Variants in DPYSL3 observed in about 807,000 individuals in gnomAD.
DPYSL3 encodes the protein dihydropyrimidinase-related protein 3.
In DPYSL3, 16 loss-of-function variants were observed where a neutral mutation model predicts 66.1. That is an observed-to-expected ratio of 0.24 (90% confidence interval 0.16 to 0.37). DPYSL3 has a LOEUF of 0.37. DPYSL3 is among the 10% of genes least tolerant of loss of function. The pLI is 1.00. For synonymous variants in DPYSL3, 338 were observed against 345.1 expected (o/e 0.98, Z 0.23); for missense variants, 738 against 916.2 (o/e 0.81, Z 2.51).
intron 1 of DPYSL3, among the ~76,000 whole-genome samples, chr5:147,475,009 C>G (rs1753136920): frequency 6.6e-6 from 1 of 151,932 alleles, no homozygotes; most frequent in Non-Finnish European, 1.5e-5. Context: ...TGGAATGAAA[C>G]ATGGTACAAC....
chr5:147,471,942 C>T (rs1349718631), intron 1 of DPYSL3, among the ~76,000 whole-genome samples: 1 of 152,170 alleles, frequency 6.6e-6, no homozygotes, highest in Non-Finnish European at 1.5e-5. Context: ...TCTCCCACTC[C>T]TCTCAGGCTT....
At chr5:147,406,453 C>T (rs934244871) in intron 7 of DPYSL3, among the ~76,000 whole-genome samples, 2 of 152,164 alleles carry the variant, frequency 1.3e-5, no homozygotes, top group African/African-American at 4.8e-5. Context: ...ACCTCGGGTA[C>T]ATTGCACAAC....
chr5:147,404,999 C>T (rs1758292289), intron 8 of DPYSL3, among the ~76,000 whole-genome samples: 1 of 152,148 alleles, frequency 6.6e-6, no homozygotes, highest in African/African-American at 2.4e-5. Flanking sequence ...GGGACTTTTG[C>T]TTGACCTGCT....
chr5:147,416,108 A>C (rs1581181575), intron 3 of DPYSL3, among the ~76,000 whole-genome samples: 3 of 152,144 alleles, frequency 2.0e-5, no homozygotes, highest in Non-Finnish European at 4.4e-5. Flanking sequence ...TCTTTCCTTT[A>C]AGTTGGTGCC....
chr5:147,405,493 C>T, intron 8 of DPYSL3, 117 bp downstream of exon 8: 3 of 1,387,544 alleles, frequency 2.2e-6, no homozygotes, highest in Non-Finnish European at 9.5e-7. Context: ...AGAGCGGCTT[C>T]CTAGGGAGCA....
chr5:147,403,797 C>T (rs1758256879), intron 8 of DPYSL3, among the ~76,000 whole-genome samples: 1 of 152,162 alleles, frequency 6.6e-6, no homozygotes. Flanking sequence ...TGTTTACTGA[C>T]TTCAATCTCA....
At chr5:147,492,851 C>T (rs994009682) in intron 1 of DPYSL3, among the ~76,000 whole-genome samples, 2 of 152,082 alleles carry the variant, frequency 1.3e-5, no homozygotes, top group Admixed American at 6.5e-5. Context: ...ACAATAATCA[C>T]CTTACTTGTC....
At chr5:147,410,458 A>G (rs1240234175) in intron 6 of DPYSL3, among the ~76,000 whole-genome samples, 1 of 152,092 alleles carries the variant, frequency 6.6e-6, no homozygotes, top group Non-Finnish European at 1.5e-5. Context: ...GTAAAGCCCC[A>G]CTGATGCTAC....
At position 147,509,876 on chromosome 5, in the gene DPYSL3, G is replaced by C. The variant is rs1322734162; in HGVS notation, c.-18C>G. ...GAGGCCATGGTTCAAGCACGAAAGC[G>C]GCCCGCGGGTTTTTCTTCCCCAGAG... On this transcript the variant is annotated 5_prime_UTR_variant, in exon 1 of 14. Transcript: ENST00000343218. This position sits in a 1 kb window ranked among gnomAD's most constrained non-coding sequence, Gnocchi z 5.3. 1 of 1,492,474 alleles carries C rather than the reference G, an allele frequency of 6.7e-7. No homozygotes were observed. The highest frequency in any genetic ancestry group is 8.9e-7 in the Non-Finnish European group (1 of 1,120,630). The allele number at this position is 1,492,474 out of a possible 1,614,324, so 92.5% of individuals were successfully genotyped here.
chr5:147,437,487 A>G (rs1315384780), intron 1 of DPYSL3, among the ~76,000 whole-genome samples: 1 of 152,228 alleles, frequency 6.6e-6, no homozygotes, highest in Non-Finnish European at 1.5e-5. Context: ...TCATAAGCAC[A>G]CAACCACTGG....
chr5:147,489,423 AT>A (rs1753382130), intron 1 of DPYSL3, among the ~76,000 whole-genome samples: 1 of 152,180 alleles, frequency 6.6e-6, no homozygotes, highest in Non-Finnish European at 1.5e-5. Context: ...GACTTTGTCC[AT>A]TTCTAGTTGT....
intron 1 of DPYSL3, among the ~76,000 whole-genome samples, chr5:147,506,555 A>C (rs1753687443): frequency 6.6e-6 from 1 of 152,180 alleles, no homozygotes; most frequent in African/African-American, 2.4e-5. Context: ...TAACCTGAAA[A>C]GGAAATCAGG....
At chr5:147,444,701 T>C (rs1752599176) in intron 1 of DPYSL3, among the ~76,000 whole-genome samples, 1 of 152,196 alleles carries the variant, frequency 6.6e-6, no homozygotes, top group African/African-American at 2.4e-5. Flanking sequence ...CTGTGTTAAC[T>C]GGCCCCACCC....
intron 1 of DPYSL3, among the ~76,000 whole-genome samples, chr5:147,488,240 G>A (rs1167583581): frequency 6.6e-6 from 1 of 152,168 alleles, no homozygotes; most frequent in Non-Finnish European, 1.5e-5. Context: ...TCAGAAGCTA[G>A]GAGGCTCTAG....
At chr5:147,468,064 T>G (rs1753035947) in intron 1 of DPYSL3, among the ~76,000 whole-genome samples, 1 of 152,238 alleles carries the variant, frequency 6.6e-6, no homozygotes, top group African/African-American at 2.4e-5. Context: ...AAATACAAAT[T>G]AAGTTCCAAC....
chr5:147,470,779 T>C (rs1753075184), intron 1 of DPYSL3, among the ~76,000 whole-genome samples: 2 of 152,138 alleles, frequency 1.3e-5, no homozygotes, highest in Admixed American at 1.3e-4. Flanking sequence ...ACTGTAACCC[T>C]TTTTGACTTG....
chr5:147,405,264 T>G (rs933291034), intron 8 of DPYSL3, among the ~76,000 whole-genome samples: 4 of 152,228 alleles, frequency 2.6e-5, no homozygotes, highest in African/African-American at 9.6e-5. Context: ...CTTTGAATTT[T>G]GCACCCAATT....
chr5:147,452,524 A>G (rs1478236503), intron 1 of DPYSL3, among the ~76,000 whole-genome samples: 6 of 151,970 alleles, frequency 3.9e-5, no homozygotes, highest in Admixed American at 3.9e-4. Flanking sequence ...CTAAACTAAA[A>G]AACGTTAGTT....
chr5:147,418,411 C>A (rs1752014015), intron 3 of DPYSL3, 36 bp downstream of exon 3: 1 of 1,551,394 alleles, frequency 6.4e-7, no homozygotes, highest in Non-Finnish European at 8.7e-7. Flanking sequence ...ACACACACTT[C>A]TGAGAAACAG....
Sources: allele counts gnomAD v4.1 joint callset (sites outside exome capture counted in the v4.1 genomes callset), GRCh38; gene constraint gnomAD v4.1.1; non-coding constraint Gnocchi (gnomAD v3.1); transcripts MANE v1.5; gene names NCBI Gene and HGNC (gene_info 2026-07-23, HGNC 2026-07-21).